The following LRP1B variants were observed in gnomAD, a reference collection of about 807,000 sequenced individuals.
LRP1B encodes LDL receptor related protein 1B.
In LRP1B, 217 loss-of-function variants were observed where a neutral mutation model predicts 556.6. The ratio of observed to expected loss-of-function variants is 0.39; its 90% CI spans 0.35 to 0.44. The LOEUF (loss-of-function observed/expected upper bound fraction) is 0.44. Ranked by LOEUF, LRP1B falls within the 20% of genes least tolerant of loss-of-function variation. The pLI is 1.00. For missense variants in LRP1B, 5,053 were observed against 5,620.8 expected (o/e 0.90, Z 3.23); for synonymous variants, 2,047 against 1,865.8 (o/e 1.10, Z -2.50).
chr2:142,085,565 A>G (rs1705885660), intron 1 of LRP1B, among the ~76,000 whole-genome samples: 1 of 152,152 alleles, frequency 6.6e-6, no homozygotes, highest in African/African-American at 2.4e-5. Context: ...TCTCTGTCTT[A>G]TACTATGAAT....
intron 7 of LRP1B, among the ~76,000 whole-genome samples, chr2:141,172,905 C>A (rs989784472): frequency 3.3e-5 from 5 of 151,948 alleles, no homozygotes. Context: ...AACTTTCATC[C>A]AGTAGTTCTA....
At chr2:140,932,751 C>T (rs923441483) in intron 20 of LRP1B, among the ~76,000 whole-genome samples, 1 of 150,582 alleles carries the variant, frequency 6.6e-6, no homozygotes, top group African/African-American at 2.5e-5. Flanking sequence ...TGGTGGCATG[C>T]ACCTGTAGTC....
intron 7 of LRP1B, among the ~76,000 whole-genome samples, chr2:141,065,186 C>T (rs909093238): frequency 1.3e-5 from 2 of 151,982 alleles, no homozygotes; most frequent in South Asian, 2.1e-4. Context: ...GTTTACATTT[C>T]GTTCCGTTGG....
chr2:141,693,306 T>C (rs1691615178), intron 2 of LRP1B, among the ~76,000 whole-genome samples: 1 of 152,000 alleles, frequency 6.6e-6, no homozygotes, highest in African/African-American at 2.4e-5. Context: ...ATCAGTTATC[T>C]GGCAACAACC....
intron 25 of LRP1B, among the ~76,000 whole-genome samples, chr2:140,875,678 AG>A (rs922170575): frequency 6.6e-5 from 10 of 152,168 alleles, no homozygotes; most frequent in Non-Finnish European, 1.5e-5. Context: ...TAATCCTTTA[AG>A]GTGTTAGTTT....
At position 141,718,807 on chromosome 2, in the gene LRP1B, A is replaced by G. The variant is rs139819106; in HGVS notation, c.205+91472T>C. ...TGAAGAAATATTTCACATCCTGTCAATTAGTTCTAGGAACAGGAATTCAAT... is the reference window on the plus strand; with the variant it reads ...TGAAGAAATATTTCACATCCTGTCAGTTAGTTCTAGGAACAGGAATTCAAT... On this transcript the variant is annotated intron_variant, in intron 2 of 90. Transcript: ENST00000389484. Among the ~76,000 whole-genome samples the G allele has an allele frequency of 2.3e-3, 348 of 152,320 alleles. 1 individual carries two copies. The highest frequency in any genetic ancestry group is 7.8e-3 in the African/African-American group (324 of 41,590).
At chr2:140,279,088 A>ACTCTCTCT (rs1189781997) in intron 84 of LRP1B, among the ~76,000 whole-genome samples, 2 of 150,474 alleles carry the variant, frequency 1.3e-5, no homozygotes, top group Admixed American at 1.3e-4. Flanking sequence ...TTCCCTCTCC[A>ACTCTCTCT]CTCTCTCTCT....
intron 41 of LRP1B, among the ~76,000 whole-genome samples, chr2:140,651,540 A>T (rs1361279223): frequency 6.6e-6 from 1 of 151,688 alleles, no homozygotes; most frequent in Admixed American, 6.6e-5. Flanking sequence ...AAAAAAAAAA[A>T]AAAAAAGAAT....
intron 2 of LRP1B, among the ~76,000 whole-genome samples, chr2:141,704,732 C>T (rs1304327701): frequency 6.6e-6 from 1 of 151,982 alleles, no homozygotes; most frequent in Non-Finnish European, 1.5e-5. Context: ...TGGCAGTAGT[C>T]TCTTCTAACC....
At chr2:141,242,251 C>T (rs1159985677) in intron 5 of LRP1B, among the ~76,000 whole-genome samples, 1 of 152,138 alleles carries the variant, frequency 6.6e-6, no homozygotes, top group Non-Finnish European at 1.5e-5. Flanking sequence ...CAGGCAGAAT[C>T]AGCCCTAGCA....
intron 41 of LRP1B, chr2:140,683,503 C>T (rs1966748): frequency 0.94 from 546,113 of 581,518 alleles, 256,921 homozygotes; most frequent in Non-Finnish European, 0.95. Flanking sequence ...TCTTGAGAAA[C>T]GCTCCCCTGG....
intron 41 of LRP1B, among the ~76,000 whole-genome samples, chr2:140,647,971 T>C (rs906979041): frequency 6.6e-6 from 1 of 152,194 alleles, no homozygotes; most frequent in African/African-American, 2.4e-5. Context: ...ATCATGCTGC[T>C]ATAAAGACAT....
chr2:142,001,330 G>T (rs1702647646), intron 1 of LRP1B, among the ~76,000 whole-genome samples: 1 of 152,118 alleles, frequency 6.6e-6, no homozygotes. Context: ...TGGGGCTATT[G>T]CCTGGTTGTT....
chr2:140,464,398 C>T (rs981897785), intron 60 of LRP1B, among the ~76,000 whole-genome samples: 1 of 152,070 alleles, frequency 6.6e-6, no homozygotes, highest in Non-Finnish European at 1.5e-5. Context: ...ATCATTTAAT[C>T]TCTTCCTTTC....
At chr2:141,221,623 C>A (rs1268424309) in intron 6 of LRP1B, among the ~76,000 whole-genome samples, 1 of 152,304 alleles carries the variant, frequency 6.6e-6, no homozygotes, top group East Asian at 1.9e-4. Flanking sequence ...TCAGAATATA[C>A]ATTCTTCTCA....
At chr2:140,312,065 G>A (rs986353442) in intron 83 of LRP1B, among the ~76,000 whole-genome samples, 6 of 147,670 alleles carry the variant, frequency 4.1e-5, no homozygotes, top group African/African-American at 1.1e-4. Flanking sequence ...CTTTACTTCC[G>A]GGGGAAAAAA....
At chr2:141,035,045 A>G (rs997780063) in intron 11 of LRP1B, among the ~76,000 whole-genome samples, 5 of 152,260 alleles carry the variant, frequency 3.3e-5, no homozygotes, top group African/African-American at 1.2e-4. Flanking sequence ...TGATGAGTTC[A>G]TGTCCTTTGT....
chr2:140,730,620 C>A (rs56279540), intron 35 of LRP1B, among the ~76,000 whole-genome samples: 2 of 151,984 alleles, frequency 1.3e-5, no homozygotes, highest in African/African-American at 4.8e-5. Context: ...AGTTCAGTGG[C>A]GAGATCTCGG....
At chr2:141,411,701 ATCTGACTTCC>A (rs1435328987) in intron 3 of LRP1B, among the ~76,000 whole-genome samples, 1 of 152,100 alleles carries the variant, frequency 6.6e-6, no homozygotes, top group Admixed American at 6.5e-5. Flanking sequence ...CTTGGCTTTC[ATCTGACTTCC>A]TCTGACTTCC....
Sources: allele counts gnomAD v4.1 joint callset (sites outside exome capture counted in the v4.1 genomes callset), GRCh38; gene constraint gnomAD v4.1.1; transcripts MANE v1.5; gene names NCBI Gene and HGNC (gene_info 2026-07-23, HGNC 2026-07-21).